ITGA4: variants seen among roughly 807,000 people sequenced by gnomAD.
ITGA4 encodes the protein integrin alpha-4.
In ITGA4, 63 loss-of-function variants were observed where a neutral mutation model predicts 133.6. The ratio of observed to expected loss-of-function variants is 0.47; its 90% CI spans 0.38 to 0.58. ITGA4 has a LOEUF of 0.58. Ranked by LOEUF, ITGA4 falls within the 20% of genes least tolerant of loss-of-function variation. The pLI is 0.00. For synonymous variants in ITGA4, 483 were observed against 438.0 expected (o/e 1.10, Z -1.28); for missense variants, 1,076 against 1,252.7 (o/e 0.86, Z 2.13).
chr2:181,521,659 A>G (rs962577154), intron 17 of ITGA4, among the ~76,000 whole-genome samples: 2 of 152,184 alleles, frequency 1.3e-5, no homozygotes, highest in Non-Finnish European at 2.9e-5. Flanking sequence ...TCACAATTTA[A>G]TTCTAGTCCA....
At chr2:181,534,039 A>G (rs1384873539) in intron 25 of ITGA4, among the ~76,000 whole-genome samples, 1 of 152,222 alleles carries the variant, frequency 6.6e-6, no homozygotes, top group East Asian at 1.9e-4. Flanking sequence ...TATTTAAATC[A>G]AGTTATTTGC....
chr2:181,537,860 CCA>C lies in ITGA4; in HGVS notation c.*2338_*2339del, dbSNP rs1240308995. Reference sequence around the variant, plus strand: ...AATTTCTATTAGGATATCCGTTTGGCCACACAGCAGGAGGTTAGAGCAATGGA... The same window carrying C: ...AATTTCTATTAGGATATCCGTTTGGCCACAGCAGGAGGTTAGAGCAATGGA... On this transcript the variant is annotated 3_prime_UTR_variant, in exon 28 of 28. Transcript: ENST00000397033. 1.9e-6 allele frequency: 1 copy of C among 517,588 alleles called. No individual in the cohort carries two copies. The highest frequency in any genetic ancestry group is 1.5e-5 in the South Asian group (1 of 64,948). The allele number at this position is 517,588 out of a possible 1,614,324, so 32.1% of individuals were successfully genotyped here.
rs55958305 is a variant in ITGA4 at position 181,523,231 on chromosome 2, CAT to C, written c.2074-198_2074-197del. 4.6e-5 allele frequency: 20 copies of C among 432,084 alleles called. No homozygotes were observed. Among genetic ancestry groups the C allele is most frequent in the Admixed American group, 1.0e-4 (3 of 29,454 alleles). 26.8% of individuals were successfully genotyped at this position (432,084 alleles called of 1,614,324 possible). A position where few individuals can be genotyped will look rare whatever the true frequency, so the allele number is the denominator to read the frequency against. On this transcript the variant is annotated intron_variant, in intron 18 of 27. Transcript: ENST00000397033. The surrounding 1 kb of genome is among the most constrained non-coding windows in gnomAD (Gnocchi z 4.2). ...ACATATATACACACATATATACATA[CAT>C]ATATATACACATACATATATACACA...
intron 22 of ITGA4, among the ~76,000 whole-genome samples, chr2:181,527,792 G>C (rs1449322022): frequency 6.6e-6 from 1 of 152,144 alleles, no homozygotes; most frequent in African/African-American, 2.4e-5. Context: ...ACAAAGTAAA[G>C]GAGGCTCTTA....
Position 181,538,296 on chromosome 2 carries a change from C to CACCTAATAAG in ITGA4, c.*2770_*2779dup. The CACCTAATAAG allele has an allele frequency of 2.8e-6, 3 of 1,061,694 alleles. No individual in the cohort carries two copies. Among genetic ancestry groups the CACCTAATAAG allele is most frequent in the Middle Eastern group, 2.4e-4 (1 of 4,214 alleles). 65.8% of individuals were successfully genotyped at this position (1,061,694 alleles called of 1,614,324 possible). On this transcript the variant is annotated 3_prime_UTR_variant, in exon 28 of 28. Transcript: ENST00000397033. ...AACTTATTTTGTTGTTTTTCACATA[C>CACCTAATAAG]ACCTAATAAGTATGGTACACAATGC...
rs200646302 is a variant in ITGA4 at position 181,537,126 on chromosome 2, A to C, written c.*1599A>C. On this transcript the variant is annotated 3_prime_UTR_variant, in exon 28 of 28. Coordinates refer to ENST00000397033, the MANE Select transcript of ITGA4 (RefSeq NM_000885.6). ...ACTTTATGACATTTATGTATTTTTA[A>C]AAAACTTTGTATCGTTATAAAAAGG... 1 of 453,008 alleles carries C rather than the reference A, an allele frequency of 2.2e-6. No individual in the cohort carries two copies. Among genetic ancestry groups the C allele is most frequent in the African/African-American group, 2.0e-5 (1 of 49,832 alleles). 28.1% of individuals were successfully genotyped at this position (453,008 alleles called of 1,614,324 possible).
intron 16 of ITGA4, 110 bp downstream of exon 16, chr2:181,509,917 A>C: frequency 1.4e-6 from 1 of 732,382 alleles, no homozygotes; most frequent in Non-Finnish European, 2.2e-6. Context: ...TAAAAATACG[A>C]ATTTTTAAAA....
chr2:181,462,472 G>A (rs1395407494), intron 2 of ITGA4, among the ~76,000 whole-genome samples: 1 of 152,040 alleles, frequency 6.6e-6, no homozygotes, highest in African/African-American at 2.4e-5. Context: ...ACATTAAATA[G>A]CAAATATCTC....
chr2:181,457,222 A>G (rs1685136229), upstream of ITGA4: 1 of 184,320 alleles, frequency 5.4e-6, no homozygotes, highest in African/African-American at 2.4e-5. Context: ...TGCTGAGCCC[A>G]GAGCCATCCC....
intron 7 of ITGA4, 148 bp downstream of exon 7, chr2:181,481,831 G>T: frequency 2.6e-6 from 1 of 386,928 alleles, no homozygotes; most frequent in Non-Finnish European, 4.7e-6. Context: ...ATTGGTGAAA[G>T]ATGTTATGGT....
intron 2 of ITGA4, among the ~76,000 whole-genome samples, chr2:181,468,719 C>T (rs1016512837): frequency 7.9e-5 from 12 of 152,036 alleles, no homozygotes; most frequent in Non-Finnish European, 1.5e-4. Context: ...TATGCTGATA[C>T]ACATCAGTAG....
At chr2:181,520,263 G>A (rs1267597679) in intron 17 of ITGA4, among the ~76,000 whole-genome samples, 4 of 152,128 alleles carry the variant, frequency 2.6e-5, no homozygotes, top group Non-Finnish European at 5.9e-5. Context: ...TCAGATGCAT[G>A]AAGAGGAGAT....
chr2:181,485,390 CTGTTA>C (rs1264240398), intron 9 of ITGA4, among the ~76,000 whole-genome samples: 1 of 139,072 alleles, frequency 7.2e-6, no homozygotes, highest in African/African-American at 2.7e-5. Flanking sequence ...GAAATGTCTT[CTGTTA>C]TAATTAGATT....
At chr2:181,517,588 C>T (rs1686631970) in intron 17 of ITGA4, among the ~76,000 whole-genome samples, 1 of 152,006 alleles carries the variant, frequency 6.6e-6, no homozygotes, top group African/African-American at 2.4e-5. Flanking sequence ...TCAGTCTTGT[C>T]GCACTTCCAG....
At position 181,457,491 on chromosome 2, in the gene ITGA4, G is replaced by T. The variant is rs1379268296; in HGVS notation, c.-164G>T. The T allele has an allele frequency of 4.6e-6, 3 of 645,914 alleles. No individual in the cohort carries two copies. The highest frequency in any genetic ancestry group is 7.6e-6 in the Non-Finnish European group (3 of 395,014). 40.0% of individuals were successfully genotyped at this position (645,914 alleles called of 1,614,324 possible). A position where few individuals can be genotyped will look rare whatever the true frequency, so the allele number is the denominator to read the frequency against. On this transcript the variant is annotated 5_prime_UTR_variant, in exon 1 of 28. Transcript: ENST00000397033. ...CGGCCCGAACGCTCCGCCCGCGGTGGGCCGACTTCCCCTCCTCTTCCCTCT... is the reference window on the plus strand; with the variant it reads ...CGGCCCGAACGCTCCGCCCGCGGTGTGCCGACTTCCCCTCCTCTTCCCTCT...
intron 17 of ITGA4, among the ~76,000 whole-genome samples, chr2:181,517,306 G>A (rs1434677646): frequency 1.3e-5 from 2 of 151,912 alleles, no homozygotes; most frequent in Non-Finnish European, 2.9e-5. Flanking sequence ...TTCATTTTAG[G>A]GAGACAGGGT....
At chr2:181,509,856 T>A (rs1686472074) in intron 16 of ITGA4, 49 bp downstream of exon 16, 4 of 1,391,936 alleles carry the variant, frequency 2.9e-6, no homozygotes, top group Non-Finnish European at 4.0e-6. Flanking sequence ...TTTAACTAAA[T>A]TTTTAAAATA....
intron 2 of ITGA4, among the ~76,000 whole-genome samples, chr2:181,472,370 A>T (rs1685575163): frequency 6.6e-6 from 1 of 152,226 alleles, no homozygotes; most frequent in Non-Finnish European, 1.5e-5. Context: ...GGCTCTCTCT[A>T]GAATAATAGA....
chr2:181,493,516 A>G, intron 11 of ITGA4, 97 bp downstream of exon 11: 2 of 662,512 alleles, frequency 3.0e-6, no homozygotes, highest in East Asian at 2.9e-5. Flanking sequence ...TAATTTTCTC[A>G]TTCAAATACT....
Sources: allele counts gnomAD v4.1 joint callset (sites outside exome capture counted in the v4.1 genomes callset), GRCh38; gene constraint gnomAD v4.1.1; non-coding constraint Gnocchi (gnomAD v3.1); transcripts MANE v1.5; gene names NCBI Gene and HGNC (gene_info 2026-07-23, HGNC 2026-07-21).